Variants in CEP44 observed in about 807,000 individuals in gnomAD.
The protein encoded by CEP44 is centrosomal protein of 44 kDa.
Under a neutral mutation model 46.7 loss-of-function variants are expected in CEP44, and 45 were observed. The observed-to-expected ratio is 0.96, with a 90% CI of 0.76 to 1.24. The LOEUF (loss-of-function observed/expected upper bound fraction) is 1.24, where lower values mean the gene tolerates loss of function less well. Among genes scored for constraint, CEP44 ranks in the 50% most tolerant of loss-of-function variants. The pLI is 0.00. For missense variants in CEP44, 475 were observed against 459.7 expected (o/e 1.03, Z -0.30); for synonymous variants, 142 against 146.0 (o/e 0.97, Z 0.20).
At chr4:174,293,924 G>GT (rs1400128776) in intron 1 of CEP44, among the ~76,000 whole-genome samples, 26 of 151,682 alleles carry the variant, frequency 1.7e-4, no homozygotes, top group Admixed American at 2.0e-4. Flanking sequence ...TTAGCTGTTG[G>GT]TTTTTTTTGT....
At chr4:174,313,106 T>C (rs547111516) in intron 9 of CEP44, among the ~76,000 whole-genome samples, 2 of 152,204 alleles carry the variant, frequency 1.3e-5, no homozygotes, top group Admixed American at 1.3e-4. Flanking sequence ...AAATAAGTAC[T>C]CATGTTAGGC....
In CEP44 at chr4:174,303,695, C is replaced by G. The variant is rs1229537442; in HGVS notation, c.238-8C>G. The G allele has an allele frequency of 6.7e-7, 1 of 1,502,118 alleles. No homozygotes were observed. The highest frequency in any genetic ancestry group is 9.1e-7 in the Non-Finnish European group (1 of 1,101,472). 93.0% of individuals were successfully genotyped at this position (1,502,118 alleles called of 1,614,324 possible). On this transcript the variant is annotated splice_region_variant and splice_polypyrimidine_tract_variant and intron_variant, in intron 4 of 11. Coordinates refer to ENST00000503780, the MANE Select transcript of CEP44 (RefSeq NM_001040157.3). ...CCCAATTATTACAAGAGTCTGTTTC[C>G]TCTGCAGCTTCTTCGTGATCAATTT...
chr4:174,289,934 G>C (rs1022705302), intron 1 of CEP44, among the ~76,000 whole-genome samples: 2 of 151,696 alleles, frequency 1.3e-5, no homozygotes, highest in Non-Finnish European at 2.9e-5. Context: ...CGCCTCCCGG[G>C]TTCAAGTGAT....
chr4:174,309,377 A>G lies in CEP44; in HGVS notation c.679-473A>G, dbSNP rs1053585939. On this transcript the variant is annotated intron_variant, in intron 7 of 11. Transcript: ENST00000503780. This position sits in a 1 kb window ranked among gnomAD's most constrained non-coding sequence, Gnocchi z 5.3. The stretch of plus-strand genomic sequence containing the variant: ...TGTTTCTATGTCTTGTGATTTCTAT[A>G]TATCTCAGTATATCAATATACAGTT... Among the ~76,000 whole-genome samples, 3 of 151,908 alleles carry G rather than the reference A, an allele frequency of 2.0e-5. No individual in the cohort carries two copies. Among genetic ancestry groups the G allele is most frequent in the Non-Finnish European group, 4.4e-5 (3 of 67,946 alleles).
chr4:174,331,321 C>G lies in CEP44; in HGVS notation c.1087-161C>G, dbSNP rs1560929147. ...TCTAAATAATATGATTGTCATTTCT[C>G]TTTGTTTGCTTGGTCTTCTTTAGGC... On this transcript the variant is annotated intron_variant, in intron 8 of 8. Transcript: ENST00000426172. This position sits in a 1 kb window ranked among gnomAD's most constrained non-coding sequence, Gnocchi z 4.5. Among the ~76,000 whole-genome samples the G allele has an allele frequency of 6.6e-6, 1 of 151,304 alleles. No homozygotes were observed. Among genetic ancestry groups the G allele is most frequent in the African/African-American group, 2.4e-5 (1 of 41,220 alleles).
rs1161903233 is a variant in CEP44 at position 174,314,686 on chromosome 4, T to A, written c.962-1480T>A. Among the ~76,000 whole-genome samples, 1 of 152,210 alleles carries A rather than the reference T, an allele frequency of 6.6e-6. No individual in the cohort carries two copies. Among genetic ancestry groups the A allele is most frequent in the Non-Finnish European group, 1.5e-5 (1 of 68,024 alleles). On this transcript the variant is annotated intron_variant, in intron 9 of 11. Coordinates refer to ENST00000503780, the MANE Select transcript of CEP44 (RefSeq NM_001040157.3). This position sits in a 1 kb window ranked among gnomAD's most constrained non-coding sequence, Gnocchi z 4.1. Reference sequence around the variant, plus strand: ...ATGTCCGAAATGTTCAGGACAACTATCTGTACCCACAGAAAAAAATCCAAG... The same window carrying A: ...ATGTCCGAAATGTTCAGGACAACTAACTGTACCCACAGAAAAAAATCCAAG...
In CEP44 at chr4:174,310,182, T is replaced by A; in HGVS notation, c.885+126T>A. 1.2e-6 allele frequency: 1 copy of A among 865,368 alleles called. No homozygotes were observed. Among genetic ancestry groups the A allele is most frequent in the Non-Finnish European group, 1.7e-6 (1 of 578,162 alleles). 53.6% of individuals were successfully genotyped at this position (865,368 alleles called of 1,614,324 possible). ...ATTTGAATAATGAGAAAATGTCTAG[T>A]TAGAATGAAGTCCTGTTTAAATATA... On this transcript the variant is annotated intron_variant, in intron 8 of 11. Coordinates refer to ENST00000503780, the MANE Select transcript of CEP44 (RefSeq NM_001040157.3). The surrounding 1 kb of genome is among the most constrained non-coding windows in gnomAD (Gnocchi z 4.2).
chr4:174,296,606 AATGTGTTAAGGT>A (rs1739047290), intron 1 of CEP44, among the ~76,000 whole-genome samples: 1 of 152,060 alleles, frequency 6.6e-6, no homozygotes, highest in African/African-American at 2.4e-5. Flanking sequence ...ACTTTTTAAA[AATGTGTTAAGGT>A]ATGCCTTATG....
At chr4:174,284,178 T>G (rs1737278482) in intron 1 of CEP44, 3 of 397,868 alleles carry the variant, frequency 7.5e-6, no homozygotes, top group Non-Finnish European at 1.3e-5. Flanking sequence ...CGCCTGGTAT[T>G]GGGCGGAGGT....
chr4:174,308,794 G>T lies in CEP44; in HGVS notation c.613G>T (p.Asp205Tyr), dbSNP rs766363239. 1 of 1,613,274 alleles carries T rather than the reference G, an allele frequency of 6.2e-7. No individual in the cohort carries two copies. Among genetic ancestry groups the T allele is most frequent in the Non-Finnish European group, 8.5e-7 (1 of 1,179,440 alleles). The part of the protein sequence containing the change: ...TDVNEAVDVS[D>Y]LNATEIKMPE... The stretch of plus-strand genomic sequence containing the variant: ...TGTTAATGAAGCAGTTGATGTGTCT[G>T]ACTTAAATGCTACTGAAATAAAGAT... The change falls in exon 7 of 12, where the codon GAC becomes TAC. Residue 205 changes from aspartate (D) to tyrosine (Y), a missense_variant. Transcript: ENST00000503780.
downstream of CEP44, among the ~76,000 whole-genome samples, chr4:174,320,699 T>TGTGA: frequency 8.9e-6 from 1 of 112,322 alleles, no homozygotes. Flanking sequence ...TGTGTGTGTG[T>TGTGA]GTGTATGTGT....
intron 1 of CEP44, among the ~76,000 whole-genome samples, chr4:174,294,729 C>T (rs1471605405): frequency 7.5e-6 from 1 of 133,456 alleles, no homozygotes; most frequent in Non-Finnish European, 1.6e-5. Flanking sequence ...GGGCTGACCA[C>T]CCCCCACCTC....
rs762993383 is a variant in CEP44 at position 174,310,876 on chromosome 4, A to G, written c.961+18A>G. The G allele has an allele frequency of 5.2e-6, 6 of 1,150,738 alleles. No homozygotes were observed. The highest frequency in any genetic ancestry group is 2.7e-5 in the South Asian group (2 of 72,756). The allele number at this position is 1,150,738 out of a possible 1,614,324, so 71.3% of individuals were successfully genotyped here. A position where few individuals can be genotyped will look rare whatever the true frequency, so the allele number is the denominator to read the frequency against. On this transcript the variant is annotated intron_variant, in intron 9 of 11. Transcript: ENST00000503780. This position sits in a 1 kb window ranked among gnomAD's most constrained non-coding sequence, Gnocchi z 4.2. The stretch of plus-strand genomic sequence containing the variant: ...GAATCCTCGTAAGTTTGTAAATACT[A>G]TGAGAATTGGTATGATGAGTTTTCA...
intron 1 of CEP44, among the ~76,000 whole-genome samples, chr4:174,294,492 C>T (rs1368309952): frequency 6.6e-6 from 1 of 151,690 alleles, no homozygotes; most frequent in Non-Finnish European, 1.5e-5. Flanking sequence ...CTTTCCCCGC[C>T]TTTCCCCCCT....
chr4:174,289,295 C>CT lies in CEP44; in HGVS notation c.-148+5368dup, dbSNP rs34274387. ...AATGACTTTGGAAGTGTTCCCTCTT[C>CT]TTTTTTTTTTTTTTTTAGATATGTT... On this transcript the variant is annotated intron_variant, in intron 1 of 11. Transcript: ENST00000503780. 1.8e-3 allele frequency among the ~76,000 whole-genome samples: 238 copies of CT among 128,786 alleles called. 2 individuals carry two copies. The highest frequency in any genetic ancestry group is 9.2e-3 in the South Asian group (38 of 4,118). The allele number at this position is 128,786 out of a possible 152,430, so 84.5% of individuals were successfully genotyped here. A position where few individuals can be genotyped will look rare whatever the true frequency, so the allele number is the denominator to read the frequency against.
rs1332001112 is a variant in CEP44, at chr4:174,319,717, C to T, written c.*2334C>T. The T allele has an allele frequency of 5.8e-6, 5 of 867,454 alleles. No homozygotes were observed. The African/African-American group carries it at 7.2e-5, about 13-fold the overall frequency. 53.7% of individuals were successfully genotyped at this position (867,454 alleles called of 1,614,324 possible). On this transcript the variant is annotated 3_prime_UTR_variant, in exon 12 of 12. Coordinates refer to ENST00000503780, the MANE Select transcript of CEP44 (RefSeq NM_001040157.3). ...TAAACTTTAATAACTTGTCTAACAA[C>T]TCTCTAATAGGGACTAAAAATCAAC...
chr4:174,293,892 T>A (rs1451126564), intron 1 of CEP44, among the ~76,000 whole-genome samples: 1 of 152,150 alleles, frequency 6.6e-6, no homozygotes, highest in East Asian at 1.9e-4. Flanking sequence ...AAGTATACAG[T>A]TTCTCAGCCT....
At position 174,312,753 on chromosome 4, in the gene CEP44, A is replaced by G. The variant is rs1054298332; in HGVS notation, c.961+1895A>G. On this transcript the variant is annotated intron_variant, in intron 9 of 11. Coordinates refer to ENST00000503780, the MANE Select transcript of CEP44 (RefSeq NM_001040157.3). This position sits in a 1 kb window ranked among gnomAD's most constrained non-coding sequence, Gnocchi z 4.5. ...GATTAATTAAAAGACTCAAGTTTATAAAGACTTACACATTATACCTTATAC... is the reference window on the plus strand; with the variant it reads ...GATTAATTAAAAGACTCAAGTTTATGAAGACTTACACATTATACCTTATAC... 1.3e-5 allele frequency among the ~76,000 whole-genome samples: 2 copies of G among 152,218 alleles called. No individual in the cohort carries two copies. The highest frequency in any genetic ancestry group is 4.8e-5 in the African/African-American group (2 of 41,454).
At chr4:174,306,155 A>T (rs1740374358) in intron 6 of CEP44, among the ~76,000 whole-genome samples, 1 of 152,114 alleles carries the variant, frequency 6.6e-6, no homozygotes, top group South Asian at 2.1e-4. Flanking sequence ...TATAGTGTGT[A>T]TGCAAACTGT....
Sources: allele counts gnomAD v4.1 joint callset (sites outside exome capture counted in the v4.1 genomes callset), GRCh38; gene constraint gnomAD v4.1.1; non-coding constraint Gnocchi (gnomAD v3.1); transcripts MANE v1.5; gene names NCBI Gene and HGNC (gene_info 2026-07-23, HGNC 2026-07-21).